Variants in CEP192 observed in about 807,000 individuals in gnomAD.
CEP192 encodes centrosomal protein of 192 kDa.
CEP192 carries 151 observed loss-of-function variants against 271.8 expected under a neutral mutation model. The observed-to-expected ratio is 0.56, with a 90% CI of 0.49 to 0.64. The LOEUF is 0.64. Among genes scored for constraint, CEP192 ranks in the 30% least tolerant of loss-of-function variants. The pLI is 0.00. For synonymous variants in CEP192, 995 were observed against 1,076.5 expected, an observed-to-expected ratio of 0.92 and a Z score of 1.48; for missense variants, 2,910 against 3,020.5, an observed-to-expected ratio of 0.96 and a Z score of 0.86.
At chr18:13,093,689 A>G (rs2039256333) in intron 34 of CEP192, among the ~76,000 whole-genome samples, 2 of 152,250 alleles carry the variant, frequency 1.3e-5, no homozygotes, top group Non-Finnish European at 2.9e-5. Context: ...ATGAAGAGCT[A>G]TATTGAGCAT....
rs940168049 is a variant in CEP192 at position 13,069,258 on chromosome 18, G to A, written c.5055+77G>A. The stretch of plus-strand genomic sequence containing the variant: ...AGCTCCTTGCTTTCTGCAGGCTGTT[G>A]TGCTCTTCCTGGCCCAACAGAGTGC... On this transcript the variant is annotated intron_variant, in intron 26 of 44. Coordinates refer to ENST00000506447, the MANE Select transcript of CEP192 (RefSeq NM_032142.4). 12 of 1,258,234 alleles carry A rather than the reference G, an allele frequency of 9.5e-6. No individual in the cohort carries two copies. The Admixed American group carries it at 1.4e-4, about 14-fold the overall frequency. 77.9% of individuals were successfully genotyped at this position (1,258,234 alleles called of 1,614,324 possible). A position where few individuals can be genotyped will look rare whatever the true frequency, so the allele number is the denominator to read the frequency against.
At chr18:13,057,254 T>A (rs879016362) in intron 19 of CEP192, among the ~76,000 whole-genome samples, 1 of 960 alleles carries the variant, frequency 1.0e-3, no homozygotes, top group South Asian at 0.056. Context: ...GTTTTTTTTG[T>A]TTGTTTTTTT....
intron 20 of CEP192, 24 bp from the exon 21 acceptor site, chr18:13,059,058 G>A (rs1234696832): frequency 6.6e-6 from 10 of 1,524,242 alleles, no homozygotes; most frequent in Admixed American, 1.7e-5. Context: ...CATTAATAAC[G>A]AACTTTATGG....
intron 4 of CEP192, among the ~76,000 whole-genome samples, chr18:13,009,410 G>A (rs570881549): frequency 6.6e-6 from 1 of 152,092 alleles, no homozygotes; most frequent in African/African-American, 2.4e-5. Flanking sequence ...TATTCTTATC[G>A]AGAGTCAATT....
At chr18:13,092,907 C>A (rs1306675128) in intron 34 of CEP192, among the ~76,000 whole-genome samples, 3 of 152,084 alleles carry the variant, frequency 2.0e-5, no homozygotes, top group Non-Finnish European at 4.4e-5. Flanking sequence ...GTAATCCCAG[C>A]ACTTTGGGAG....
intron 44 of CEP192, among the ~76,000 whole-genome samples, chr18:13,119,088 A>G (rs1598655420): frequency 1.3e-5 from 2 of 152,344 alleles, no homozygotes; most frequent in East Asian, 1.9e-4. Flanking sequence ...AGTGTGCGTA[A>G]TAATAGGTTG....
intron 5 of CEP192, 37 bp from the exon 6 acceptor site, chr18:13,015,291 A>T (rs1349865729): frequency 1.3e-6 from 2 of 1,544,156 alleles, no homozygotes; most frequent in Non-Finnish European, 8.7e-7. Context: ...CAGAGCCCTG[A>T]ATGTGCTTCT....
chr18:13,084,775 G>T (rs927727494), intron 30 of CEP192, among the ~76,000 whole-genome samples: 1 of 151,790 alleles, frequency 6.6e-6, no homozygotes, highest in Non-Finnish European at 1.5e-5. Context: ...TCTAATGATC[G>T]CCATTCTCAC....
chr18:13,036,748 C>G (rs148315177), intron 11 of CEP192, among the ~76,000 whole-genome samples: 28 of 152,174 alleles, frequency 1.8e-4, no homozygotes, highest in Non-Finnish European at 7.3e-5. Flanking sequence ...CTGAGGTGCT[C>G]GGCAGCAGCC....
At chr18:13,022,258 T>C (rs1268220433) in intron 9 of CEP192, among the ~76,000 whole-genome samples, 1 of 152,248 alleles carries the variant, frequency 6.6e-6, no homozygotes, top group African/African-American at 2.4e-5. Context: ...CTGTCTTGAT[T>C]ACTGCAGCTT....
chr18:13,096,503 A>G (rs192965455), intron 36 of CEP192, among the ~76,000 whole-genome samples, 196 bp downstream of exon 36: 235 of 152,382 alleles, frequency 1.5e-3, no homozygotes, highest in Non-Finnish European at 2.7e-3. Context: ...AGAGATCTGC[A>G]CACAGCTGGT....
chr18:13,016,227 TG>T (rs1404693308), intron 6 of CEP192, among the ~76,000 whole-genome samples: 6 of 152,082 alleles, frequency 3.9e-5, no homozygotes, highest in Non-Finnish European at 7.4e-5. Context: ...AGAAAAAGGA[TG>T]GAGCCTGTGC....
At chr18:13,027,388 G>C (rs527964626) in intron 9 of CEP192, among the ~76,000 whole-genome samples, 1 of 152,176 alleles carries the variant, frequency 6.6e-6, no homozygotes, top group South Asian at 2.1e-4. Flanking sequence ...AAAAGCATGG[G>C]GCCCACCTAT....
At chr18:13,088,846 T>A (rs2039012171) in intron 32 of CEP192, 1 of 434,172 alleles carries the variant, frequency 2.3e-6, no homozygotes, top group Non-Finnish European at 4.6e-6. Context: ...TTGAACCTGG[T>A]TTTGTTTCTT....
intron 30 of CEP192, among the ~76,000 whole-genome samples, chr18:13,082,259 T>G (rs2038652394): frequency 6.6e-6 from 1 of 152,180 alleles, no homozygotes; most frequent in South Asian, 2.1e-4. Flanking sequence ...TGTAGGTCTC[T>G]GAGGACTTGC....
At chr18:13,089,036 T>A in intron 32 of CEP192, 1 of 272,514 alleles carries the variant, frequency 3.7e-6, no homozygotes, top group Non-Finnish European at 7.4e-6. Context: ...AAATCTACAT[T>A]TCAGTTTTCT....
At chr18:13,121,910 T>C (rs1350215908) in intron 44 of CEP192, among the ~76,000 whole-genome samples, 2 of 152,258 alleles carry the variant, frequency 1.3e-5, no homozygotes, top group African/African-American at 4.8e-5. Context: ...ACAAATTTTA[T>C]TACCTTTTTC....
Position 13,018,481 on chromosome 18 carries a change from C to T in CEP192, c.791C>T (p.Ala264Val). 6.6e-7 allele frequency: 1 copy of T among 1,512,318 alleles called. No individual in the cohort carries two copies. Among genetic ancestry groups the T allele is most frequent in the Non-Finnish European group, 8.9e-7 (1 of 1,123,534 alleles). The allele number at this position is 1,512,318 out of a possible 1,614,324, so 93.7% of individuals were successfully genotyped here. ...FKLPTNGLRQANENGSLNCKF... is the reference protein window; with the variant it reads ...FKLPTNGLRQVNENGSLNCKF... ...ACAGCTAAGATATTCTTTCAACAGG[C>T]AAATGAAAACGGTAGCTTAAACTGC... is the stretch of plus-strand genomic sequence containing the variant. Residue 264 changes from alanine (A) to valine (V), a missense_variant and splice_region_variant, in exon 8 of 45, where the codon GCA (alanine) becomes GTA (valine). Coordinates refer to ENST00000506447, the MANE Select transcript of CEP192 (RefSeq NM_032142.4).
At chr18:13,019,484 C>T (rs2034861627) in intron 9 of CEP192, among the ~76,000 whole-genome samples, 1 of 152,108 alleles carries the variant, frequency 6.6e-6, no homozygotes, top group Non-Finnish European at 1.5e-5. Flanking sequence ...GCAAACGGAT[C>T]TTTTACCTTG....
Sources: gnomAD v4.1 joint callset for allele counts (sites outside exome capture counted in the v4.1 genomes callset) on GRCh38, gnomAD v4.1.1 for gene constraint, MANE v1.5 for transcripts, NCBI Gene and HGNC (gene_info 2026-07-23, HGNC 2026-07-21) for gene names.